CLIP2: variants seen among roughly 807,000 people sequenced by gnomAD.
CLIP2 encodes the protein CAP-Gly domain containing linker protein 2, also known as CAP-Gly domain-containing linker protein 2.
A neutral mutation model predicts 111.7 loss-of-function variants in CLIP2; 41 were observed. That is an observed-to-expected ratio of 0.37 (90% confidence interval 0.29 to 0.48). The LOEUF is 0.48. Ranked by LOEUF, CLIP2 falls within the 20% of genes least tolerant of loss-of-function variation. The pLI is 0.99. For missense variants in CLIP2, 1,160 were observed against 1,422.1 expected (o/e 0.82, Z 2.96); for synonymous variants, 660 against 644.2 (o/e 1.02, Z -0.37).
At chr7:74,328,904 T>C (rs908378180) in intron 2 of CLIP2, among the ~76,000 whole-genome samples, 3 of 150,334 alleles carry the variant, frequency 2.0e-5, no homozygotes, top group African/African-American at 7.3e-5. Context: ...AATTTTTGTA[T>C]TATTATTTAT....
intron 2 of CLIP2, among the ~76,000 whole-genome samples, chr7:74,332,745 G>A (rs1789328241): frequency 6.6e-6 from 1 of 152,082 alleles, no homozygotes; most frequent in South Asian, 2.1e-4. Context: ...CGCTCCCCCG[G>A]GTACCACATT....
chr7:74,395,899 G>C (rs1246592232), intron 13 of CLIP2, among the ~76,000 whole-genome samples: 2 of 152,176 alleles, frequency 1.3e-5, no homozygotes, highest in African/African-American at 4.8e-5. Context: ...CACCTTTGCA[G>C]TGCTCCCCGC....
intron 2 of CLIP2, among the ~76,000 whole-genome samples, chr7:74,320,552 C>T (rs1554729884): frequency 6.6e-6 from 1 of 151,970 alleles, no homozygotes; most frequent in East Asian, 1.9e-4. Context: ...ATGGTGGGAG[C>T]GGCTGGAGGA....
intron 16 of CLIP2, 40 bp from the exon 17 acceptor site, chr7:74,403,797 C>T (rs373960620): frequency 5.6e-6 from 9 of 1,612,190 alleles, no homozygotes; most frequent in Non-Finnish European, 7.6e-6. Context: ...CCTCCAGGCT[C>T]TCTGAGACCC....
At chr7:74,323,895 C>T (rs371686061) in intron 2 of CLIP2, among the ~76,000 whole-genome samples, 15 of 152,146 alleles carry the variant, frequency 9.9e-5, no homozygotes, top group African/African-American at 3.4e-4. Flanking sequence ...ACAACAAAAT[C>T]GCCTAATGAT....
At chr7:74,352,698 C>CAAAAA (rs56250956) in intron 3 of CLIP2, among the ~76,000 whole-genome samples, 4 of 132,096 alleles carry the variant, frequency 3.0e-5, no homozygotes, top group Non-Finnish European at 4.8e-5. Flanking sequence ...AACACTGTCT[C>CAAAAA]AAAAAAAAAA....
chr7:74,371,661 G>A (rs1790627231), intron 8 of CLIP2, among the ~76,000 whole-genome samples: 2 of 132,480 alleles, frequency 1.5e-5, no homozygotes, highest in African/African-American at 2.8e-5. Flanking sequence ...GGGAGAGAGG[G>A]AAAAAGAAAG....
At chr7:74,304,556 C>CA (rs11372908) in intron 1 of CLIP2, among the ~76,000 whole-genome samples, 76,451 of 130,422 alleles carry the variant, frequency 0.59, 22,776 homozygotes, top group Middle Eastern at 0.71. Context: ...GAGACTCTGA[C>CA]AAAAAAAAAA....
chr7:74,340,265 G>A (rs514955), intron 3 of CLIP2, among the ~76,000 whole-genome samples: 92,835 of 151,804 alleles, frequency 0.61, 30,330 homozygotes, highest in Middle Eastern at 0.75. Context: ...CTGTGATGGC[G>A]TGTGCCTATA....
chr7:74,370,926 C>T (rs1214586732), intron 8 of CLIP2, among the ~76,000 whole-genome samples: 3 of 152,010 alleles, frequency 2.0e-5, no homozygotes, highest in African/African-American at 2.4e-5. Context: ...TTATGGTTTG[C>T]ATCTGCCTCC....
intron 6 of CLIP2, 50 bp from the exon 7 acceptor site, chr7:74,360,125 C>G: frequency 1.4e-6 from 2 of 1,477,490 alleles, no homozygotes; most frequent in Non-Finnish European, 1.8e-6. Flanking sequence ...AACCTGGACC[C>G]CATACCCCGG....
intron 13 of CLIP2, among the ~76,000 whole-genome samples, chr7:74,395,239 A>C (rs1358432421): frequency 6.6e-6 from 1 of 151,274 alleles, no homozygotes; most frequent in Non-Finnish European, 1.5e-5. Flanking sequence ...GGCTCACCGC[A>C]ACCTCTGCCT....
chr7:74,390,980 C>T (rs1254041193), intron 13 of CLIP2, among the ~76,000 whole-genome samples: 2 of 151,750 alleles, frequency 1.3e-5, no homozygotes, highest in East Asian at 3.9e-4. Context: ...ACCCGGAAGG[C>T]GGAGGTTGCA....
intron 16 of CLIP2, among the ~76,000 whole-genome samples, chr7:74,402,448 T>G (rs1584398808): frequency 6.7e-6 from 1 of 150,298 alleles, no homozygotes. Context: ...ACCTGGCAGG[T>G]GGAGGTTGCA....
chr7:74,310,825 C>T (rs1554728410), intron 1 of CLIP2, among the ~76,000 whole-genome samples: 1 of 151,822 alleles, frequency 6.6e-6, no homozygotes, highest in East Asian at 1.9e-4. Flanking sequence ...GATTCTTGTG[C>T]CTCAGCCTTC....
chr7:74,353,440 G>A (rs1445446734), intron 3 of CLIP2, among the ~76,000 whole-genome samples: 3 of 151,942 alleles, frequency 2.0e-5, no homozygotes, highest in Non-Finnish European at 4.4e-5. Context: ...TAGTAGAGAC[G>A]GAGTTTCACC....
In CLIP2 at chr7:74,342,774, G is replaced by A. The variant is rs575330357; in HGVS notation, c.678+3770G>A. 3.3e-5 allele frequency among the ~76,000 whole-genome samples: 5 copies of A among 152,266 alleles called. No individual in the cohort carries two copies. The East Asian group carries it at 9.7e-4, about 29-fold the overall frequency. ...ACTGAAAAATACATGGTGGCCGGGC[G>A]CGGTGGCTCACGCCTATAATCCCGG... On this transcript the variant is annotated intron_variant, in intron 3 of 16. Transcript: ENST00000223398.
At chr7:74,390,406 A>C (rs1306710399) in intron 13 of CLIP2, among the ~76,000 whole-genome samples, 3 of 151,626 alleles carry the variant, frequency 2.0e-5, no homozygotes, top group Admixed American at 6.6e-5. Context: ...GTGGTGGCTC[A>C]CACTTGTAAT....
intron 6 of CLIP2, among the ~76,000 whole-genome samples, chr7:74,358,051 G>GT (rs782071365): frequency 0.02 from 2,238 of 111,298 alleles, 19 homozygotes; most frequent in African/African-American, 0.034. Context: ...CACTGCAAGG[G>GT]TTTTTTTTTT....
Sources: gnomAD v4.1 joint callset for allele counts (sites outside exome capture counted in the v4.1 genomes callset) on GRCh38, gnomAD v4.1.1 for gene constraint, MANE v1.5 for transcripts, NCBI Gene and HGNC (gene_info 2026-07-23, HGNC 2026-07-21) for gene names.